Variants in UBE2U observed in about 807,000 individuals in gnomAD.
UBE2U encodes the protein ubiquitin conjugating enzyme E2 U.
A neutral mutation model predicts 41.2 loss-of-function variants in UBE2U; 39 were observed. The observed-to-expected ratio is 0.95, with a 90% CI of 0.73 to 1.24. The LOEUF (loss-of-function observed/expected upper bound fraction) is 1.24, where lower values mean the gene tolerates loss of function less well. Ranked by LOEUF, UBE2U falls within the 50% of genes most tolerant of loss-of-function variation. The pLI is 0.00. For missense variants in UBE2U, 336 were observed against 363.1 expected (o/e 0.93, Z 0.61); for synonymous variants, 107 against 117.8 (o/e 0.91, Z 0.60).
At chr1:64,223,832 CA>C (rs1241523549) in intron 6 of UBE2U, among the ~76,000 whole-genome samples, 3 of 152,052 alleles carry the variant, frequency 2.0e-5, no homozygotes, top group African/African-American at 7.2e-5. Context: ...ACTATGGGGC[CA>C]GGGGATCCTA....
At chr1:64,239,157 A>AAGAAGAAGAAGAAGAAGAGAAGAAG in intron 7 of UBE2U, among the ~76,000 whole-genome samples, 2 of 37,070 alleles carry the variant, frequency 5.4e-5, no homozygotes, top group East Asian at 2.1e-3. Context: ...GAAGAAGAAG[A>AAGAAGAAGAAGAAGAAGAGAAGAAG]AAGAAGAAGA....
intron 9 of UBE2U, among the ~76,000 whole-genome samples, chr1:64,261,792 G>C (rs1280314551): frequency 6.6e-6 from 1 of 152,172 alleles, no homozygotes; most frequent in Non-Finnish European, 1.5e-5. Flanking sequence ...ATGTTCACCA[G>C]TGGAAGAGAT....
intron 7 of UBE2U, among the ~76,000 whole-genome samples, chr1:64,236,551 T>C (rs577420411): frequency 3.9e-5 from 6 of 152,128 alleles, no homozygotes; most frequent in Non-Finnish European, 7.4e-5. Context: ...ATATATATGG[T>C]TGTGGGCAAC....
intron 9 of UBE2U, among the ~76,000 whole-genome samples, chr1:64,265,762 G>C (rs563068944): frequency 6.6e-6 from 1 of 152,264 alleles, no homozygotes; most frequent in African/African-American, 2.4e-5. Flanking sequence ...TATTTTAGTA[G>C]AGACAGGGTT....
chr1:64,251,798 G>GT (rs1645015439), intron 8 of UBE2U, among the ~76,000 whole-genome samples: 1 of 152,116 alleles, frequency 6.6e-6, no homozygotes, highest in Non-Finnish European at 1.5e-5. Flanking sequence ...AGACTCAGGT[G>GT]TTTTACATAA....
chr1:64,254,906 A>G (rs1026630745), intron 8 of UBE2U, among the ~76,000 whole-genome samples: 4 of 152,178 alleles, frequency 2.6e-5, no homozygotes, highest in African/African-American at 9.7e-5. Context: ...AATAGAAGAC[A>G]AGAAATAACC....
intron 5 of UBE2U, among the ~76,000 whole-genome samples, chr1:64,219,479 A>G (rs1451780996): frequency 6.6e-6 from 1 of 151,948 alleles, no homozygotes; most frequent in Admixed American, 6.6e-5. Context: ...GTTCTGGAAA[A>G]CTTTCTTATG....
intron 9 of UBE2U, 32 bp downstream of exon 9, chr1:64,260,726 T>C: frequency 1.3e-6 from 2 of 1,516,600 alleles, no homozygotes; most frequent in Non-Finnish European, 1.8e-6. Flanking sequence ...GTTTTGCTTT[T>C]ATAAATAACA....
intron 7 of UBE2U, among the ~76,000 whole-genome samples, chr1:64,236,566 C>A (rs1243032570): frequency 6.6e-6 from 1 of 152,088 alleles, no homozygotes; most frequent in Non-Finnish European, 1.5e-5. Context: ...GGCAACAGAG[C>A]CTTAATGACA....
chr1:64,252,008 G>A (rs2100510479), intron 8 of UBE2U, among the ~76,000 whole-genome samples: 1 of 152,270 alleles, frequency 6.6e-6, no homozygotes, highest in East Asian at 1.9e-4. Context: ...GGGAGTTCCT[G>A]GGGGAAAATG....
chr1:64,230,736 C>T (rs1283101174), intron 6 of UBE2U, among the ~76,000 whole-genome samples: 1 of 152,146 alleles, frequency 6.6e-6, no homozygotes, highest in African/African-American at 2.4e-5. Context: ...CAAATGTCTC[C>T]GTTAAACCAT....
chr1:64,260,432 A>G (rs1356655572), intron 8 of UBE2U, among the ~76,000 whole-genome samples, 171 bp from the exon 9 acceptor site: 1 of 151,784 alleles, frequency 6.6e-6, no homozygotes, highest in Non-Finnish European at 1.5e-5. Flanking sequence ...GCACATATTG[A>G]AATAATTTTA....
rs1205878832 is a variant in UBE2U, at chr1:64,210,755, TG to T, written c.257del (p.Gly86ValfsTer5). The T allele has an allele frequency of 1.9e-6, 3 of 1,573,512 alleles. No individual in the cohort carries two copies. The highest frequency in any genetic ancestry group is 1.2e-5 in the South Asian group (1 of 83,086). ...PFHPNVDPHT[G>X]QPCIDFLDNP... is the part of the protein sequence containing the mutation. ...ATTTTAATACAGTAGACCCACACACTGGTCAGCCCTGTATAGACTTTTTGGA... is the reference window on the plus strand; with the variant it reads ...ATTTTAATACAGTAGACCCACACACTGTCAGCCCTGTATAGACTTTTTGGA... On this transcript the variant is annotated frameshift_variant, in exon 4 of 10. Transcript: ENST00000371077. LOFTEE classifies it high-confidence loss of function.
rs1321701997 is a variant in UBE2U, at chr1:64,203,725, G to A, written c.-326G>A. 9 of 233,700 alleles carry A rather than the reference G, an allele frequency of 3.9e-5. No homozygotes were observed. Among genetic ancestry groups the A allele is most frequent in the Non-Finnish European group, 7.4e-5 (9 of 121,020 alleles). The allele number at this position is 233,700 out of a possible 1,614,324, so 14.5% of individuals were successfully genotyped here. On this transcript the variant is annotated 5_prime_UTR_variant, in exon 1 of 10. Transcript: ENST00000371077. The stretch of plus-strand genomic sequence containing the variant: ...GCGTACACCTCTCACTCCCACTCAC[G>A]CGCCGACGACATGGGCTTGTCTCCG...
chr1:64,241,514 G>A lies in UBE2U; in HGVS notation c.596-138G>A, dbSNP rs1417752282. ...GTAATTTGGAAAGTTTCTAAGGATTGTAATATGACTTGAATTATATAGTGC... is the reference window on the plus strand; with the variant it reads ...GTAATTTGGAAAGTTTCTAAGGATTATAATATGACTTGAATTATATAGTGC... On this transcript the variant is annotated intron_variant, in intron 7 of 9. Transcript: ENST00000371077. 48 of 559,026 alleles carry A rather than the reference G, an allele frequency of 8.6e-5. 1 individual carries two copies. In the South Asian group the frequency reaches 1.3e-3, roughly 15 times the overall value. 34.6% of individuals were successfully genotyped at this position (559,026 alleles called of 1,614,324 possible).
At chr1:64,208,316 G>A (rs1164930643) in intron 3 of UBE2U, among the ~76,000 whole-genome samples, 3 of 152,032 alleles carry the variant, frequency 2.0e-5, no homozygotes, top group Non-Finnish European at 2.9e-5. Context: ...ATTTAAAGAC[G>A]TTTATTCCCA....
chr1:64,224,608 AGCTACTCAGGAG>A (rs984389115), intron 6 of UBE2U, among the ~76,000 whole-genome samples: 2 of 152,072 alleles, frequency 1.3e-5, no homozygotes, highest in African/African-American at 4.8e-5. Context: ...CTGTAATCCC[AGCTACTCAGGAG>A]GCTGAGTCAG....
At chr1:64,257,628 G>A (rs2100534593) in intron 8 of UBE2U, among the ~76,000 whole-genome samples, 1 of 152,230 alleles carries the variant, frequency 6.6e-6, no homozygotes, top group Admixed American at 6.5e-5. Context: ...GGGTGTGTTG[G>A]GGGATGGAGA....
At chr1:64,253,302 AAG>A (rs917067619) in intron 8 of UBE2U, among the ~76,000 whole-genome samples, 4 of 152,214 alleles carry the variant, frequency 2.6e-5, no homozygotes, top group Non-Finnish European at 5.9e-5. Flanking sequence ...GGGTAACTGA[AAG>A]AGATGAGGAG....
Sources: allele counts gnomAD v4.1 joint callset (sites outside exome capture counted in the v4.1 genomes callset), GRCh38; gene constraint gnomAD v4.1.1; transcripts MANE v1.5; gene names NCBI Gene and HGNC (gene_info 2026-07-23, HGNC 2026-07-21).